Variants in CARMIL1 observed in about 807,000 individuals in gnomAD.
CARMIL1 encodes capping protein regulator and myosin 1 linker 1.
CARMIL1 carries 90 observed loss-of-function variants against 177.1 expected under a neutral mutation model. The observed-to-expected ratio is 0.51, with a 90% CI of 0.43 to 0.61. The LOEUF (loss-of-function observed/expected upper bound fraction) is 0.61, where lower values mean the gene tolerates loss of function less well. CARMIL1 is among the 20% of genes least tolerant of loss of function. The pLI is 0.00. For synonymous variants in CARMIL1, 577 were observed against 606.2 expected, an observed-to-expected ratio of 0.95 and a Z score of 0.71; for missense variants, 1,380 against 1,667.0, an observed-to-expected ratio of 0.83 and a Z score of 3.00.
chr6:25,308,914 A>C (rs995271053), intron 2 of CARMIL1, among the ~76,000 whole-genome samples: 1 of 152,158 alleles, frequency 6.6e-6, no homozygotes, highest in Admixed American at 6.5e-5. Context: ...ATCAACTATT[A>C]ATTCAACAAA....
chr6:25,594,316 C>T (rs1814607357), intron 31 of CARMIL1, 99 bp from the exon 32 acceptor site: 3 of 693,312 alleles, frequency 4.3e-6, no homozygotes, highest in African/African-American at 1.8e-5. Flanking sequence ...TGAGCCTTGT[C>T]CCTCCCATAG....
chr6:25,305,830 A>G (rs1783215841), intron 2 of CARMIL1, among the ~76,000 whole-genome samples: 1 of 152,222 alleles, frequency 6.6e-6, no homozygotes, highest in South Asian at 2.1e-4. Flanking sequence ...TGGTGGGGAA[A>G]GTGAGGCCTG....
At position 25,488,512 on chromosome 6, in the gene CARMIL1, C is replaced by T; in HGVS notation, c.992C>T (p.Ala331Val). 1 of 1,614,000 alleles carries T rather than the reference C, an allele frequency of 6.2e-7. No homozygotes were observed. Among genetic ancestry groups the T allele is most frequent in the East Asian group, 2.2e-5 (1 of 44,884 alleles). The change falls in exon 13 of 37, where the codon GCC becomes GTC. Residue 331 changes from alanine (A) to valine (V), a missense_variant. Ala to Val is a moderately conservative substitution (Grantham distance 64). Transcript: ENST00000329474. Reference protein sequence around the residue: ...GVNSLSQSLSANPLTASTLVH... With the variant: ...GVNSLSQSLSVNPLTASTLVH... ...AACAGCCTTTCTCAGTCACTCAGTG[C>T]CAATCCATTGACCGCCTCTACCCTT...
chr6:25,478,139 G>GT (rs1801750241), intron 11 of CARMIL1, among the ~76,000 whole-genome samples: 1 of 152,108 alleles, frequency 6.6e-6, no homozygotes. Flanking sequence ...TAGCTCTAGT[G>GT]TTTTTTGTTG....
intron 2 of CARMIL1, among the ~76,000 whole-genome samples, chr6:25,305,778 A>G (rs553316821): frequency 1.2e-4 from 19 of 152,310 alleles, no homozygotes; most frequent in Admixed American, 2.0e-4. Context: ...CATCCTTTAT[A>G]AATATGTAGC....
intron 2 of CARMIL1, among the ~76,000 whole-genome samples, chr6:25,418,550 A>G (rs946318323): frequency 1.5e-4 from 2 of 13,772 alleles, no homozygotes; most frequent in Non-Finnish European, 2.2e-4. Flanking sequence ...AGGAGGGTGT[A>G]AAAAAAAAAA....
chr6:25,307,756 T>G (rs887701439), intron 2 of CARMIL1, among the ~76,000 whole-genome samples: 16 of 152,358 alleles, frequency 1.1e-4, no homozygotes, highest in African/African-American at 3.1e-4. Flanking sequence ...CTGTGCCGTG[T>G]TAGTCTTTAT....
chr6:25,307,023 C>T (rs934209804), intron 2 of CARMIL1, among the ~76,000 whole-genome samples: 1 of 151,810 alleles, frequency 6.6e-6, no homozygotes, highest in African/African-American at 2.4e-5. Flanking sequence ...GGCTTACAGG[C>T]GCCTGCCACC....
At chr6:25,339,206 G>A (rs1562005030) in intron 2 of CARMIL1, among the ~76,000 whole-genome samples, 1 of 152,182 alleles carries the variant, frequency 6.6e-6, no homozygotes, top group Non-Finnish European at 1.5e-5. Flanking sequence ...CCTAGCCTGG[G>A]AAGGAGAATA....
rs59911299 is a variant in CARMIL1, at chr6:25,619,733, CTTTTTTTTTTTTTTTT to C, written c.*163_*178del. On this transcript the variant is annotated 3_prime_UTR_variant, in exon 37 of 37. Transcript: ENST00000329474. The stretch of plus-strand genomic sequence containing the variant: ...TTTCGCCCCCACCCCCATCCCCTGC[CTTTTTTTTTTTTTTTT>C]TTTTTTTTTTTTGTATAGAAACAGA... The C allele has an allele frequency of 1.6e-3, 150 of 93,304 alleles. 3 individuals are homozygous for C. The highest frequency in any genetic ancestry group is 0.013 in the Admixed American group (67 of 5,262). 5.8% of individuals were successfully genotyped at this position (93,304 alleles called of 1,614,324 possible).
chr6:25,372,358 G>C lies in CARMIL1; in HGVS notation c.139-47756G>C, dbSNP rs555337642. Among the ~76,000 whole-genome samples, 14 of 152,092 alleles carry C rather than the reference G, an allele frequency of 9.2e-5. No homozygotes were observed. In the East Asian group the frequency reaches 2.7e-3, roughly 29 times the overall value. On this transcript the variant is annotated intron_variant, in intron 2 of 36. Coordinates refer to ENST00000329474, the MANE Select transcript of CARMIL1 (RefSeq NM_017640.6). ...GTAGTATGGCCATTTTCATGAAATTGATTCTTCCAATTCATGAGGATGGGA... is the reference window on the plus strand; with the variant it reads ...GTAGTATGGCCATTTTCATGAAATTCATTCTTCCAATTCATGAGGATGGGA...
intron 35 of CARMIL1, among the ~76,000 whole-genome samples, chr6:25,608,819 C>T (rs1379509905): frequency 1.3e-5 from 2 of 152,162 alleles, no homozygotes; most frequent in African/African-American, 4.8e-5. Context: ...AGATTGTCTT[C>T]TACGTGCACA....
chr6:25,521,118 A>G (rs142203679), intron 23 of CARMIL1, among the ~76,000 whole-genome samples: 300 of 152,176 alleles, frequency 2.0e-3, no homozygotes, highest in African/African-American at 5.8e-3. Context: ...AGCTTCGTTA[A>G]TGTTACTGGT....
At position 25,509,222 on chromosome 6, in the gene CARMIL1, C is replaced by T. The variant is rs186412661; in HGVS notation, c.1396-434C>T. 1.8e-4 allele frequency among the ~76,000 whole-genome samples: 28 copies of T among 152,222 alleles called. No individual in the cohort carries two copies. The East Asian group carries it at 5.0e-3, about 27-fold the overall frequency. On this transcript the variant is annotated intron_variant, in intron 17 of 36. Coordinates refer to ENST00000329474, the MANE Select transcript of CARMIL1 (RefSeq NM_017640.6). This position sits in a 1 kb window ranked among gnomAD's most constrained non-coding sequence, Gnocchi z 4.1. ...AAAATGTTTGACAATCAAAGTAAGT[C>T]TTCATTGTCTCCTTTGGTTGGGTGG...
chr6:25,408,148 G>T (rs1249995949), intron 2 of CARMIL1, among the ~76,000 whole-genome samples: 3 of 151,976 alleles, frequency 2.0e-5, no homozygotes, highest in Non-Finnish European at 2.9e-5. Context: ...AAAATTACCT[G>T]GGTGTGGTGG....
At chr6:25,585,088 T>TAGC (rs1378454669) in intron 31 of CARMIL1, among the ~76,000 whole-genome samples, 2 of 152,026 alleles carry the variant, frequency 1.3e-5, no homozygotes, top group African/African-American at 4.8e-5. Context: ...AAGTATAGAT[T>TAGC]AGCACACCTT....
chr6:25,293,466 G>A (rs78358839), intron 2 of CARMIL1, among the ~76,000 whole-genome samples: 74 of 152,016 alleles, frequency 4.9e-4, no homozygotes, highest in African/African-American at 1.8e-3. Context: ...GCTCACCGCA[G>A]CCTCGATATC....
intron 5 of CARMIL1, 147 bp downstream of exon 5, chr6:25,435,751 T>C (rs1797170376): frequency 5.0e-6 from 5 of 1,000,714 alleles, no homozygotes; most frequent in Non-Finnish European, 6.9e-6. Context: ...AAAACCCTTA[T>C]CAAAACCCTT....
At chr6:25,609,237 C>T (rs546947056) in intron 35 of CARMIL1, among the ~76,000 whole-genome samples, 1 of 152,024 alleles carries the variant, frequency 6.6e-6, no homozygotes, top group South Asian at 2.1e-4. Flanking sequence ...GAGGCTGAGG[C>T]GGGTGGATCA....
Sources: allele counts gnomAD v4.1 joint callset (sites outside exome capture counted in the v4.1 genomes callset), GRCh38; gene constraint gnomAD v4.1.1; non-coding constraint Gnocchi (gnomAD v3.1); transcripts MANE v1.5; gene names NCBI Gene and HGNC (gene_info 2026-07-23, HGNC 2026-07-21).